TRMT2A: variants seen among roughly 807,000 people sequenced by gnomAD.
TRMT2A encodes tRNA (uracil-5-)-methyltransferase homolog A.
A neutral mutation model predicts 59.3 loss-of-function variants in TRMT2A; 60 were observed. That is an observed-to-expected ratio of 1.01 (90% CI 0.82 to 1.26). The LOEUF is 1.26. TRMT2A is among the 50% of genes most tolerant of loss of function. The pLI, the probability that TRMT2A is intolerant of heterozygous loss-of-function variation, is 0.00. For missense variants in TRMT2A, 863 were observed against 845.2 expected (o/e 1.02, Z -0.26); for synonymous variants, 403 against 353.7 (o/e 1.14, Z -1.56).
chr22:20,115,050 T>C lies in TRMT2A; in HGVS notation c.920A>G (p.Glu307Gly). The change falls in exon 5 of 12, where the codon GAG becomes GGG. Residue 307 changes from glutamate (E) to glycine (G), a missense_variant. Glu to Gly is a moderately conservative substitution (Grantham distance 98). Coordinates refer to ENST00000252136, the MANE Select transcript of TRMT2A (RefSeq NM_022727.6). ...CTGCTTCCAGTGGCCTGTGTACGTC[T>C]CTGGGTCGTATGCCGAGTATGGAGT... ...RSTPYSAYDP[E>G]TYTGHWKQLT... 6.3e-7 allele frequency: 1 copy of C among 1,595,884 alleles called. No individual in the cohort carries two copies. Among genetic ancestry groups the C allele is most frequent in the Non-Finnish European group, 8.5e-7 (1 of 1,175,120 alleles).
Position 20,114,755 on chromosome 22 carries a change from C to T in TRMT2A, c.1121+6G>A. The T allele has an allele frequency of 6.2e-7, 1 of 1,612,262 alleles. No homozygotes were observed. Among genetic ancestry groups the T allele is most frequent in the Non-Finnish European group, 8.5e-7 (1 of 1,179,734 alleles). On this transcript the variant is annotated splice_donor_region_variant and intron_variant, in intron 6 of 11. Coordinates refer to ENST00000252136, the MANE Select transcript of TRMT2A (RefSeq NM_022727.6). ...GGACCTGCCCCGCCCCACTCGGGCTCCTTACCGCTGTCCCTCCTCCACGAA... is the reference window on the plus strand; with the variant it reads ...GGACCTGCCCCGCCCCACTCGGGCTTCTTACCGCTGTCCCTCCTCCACGAA...
At position 20,112,528 on chromosome 22, in the gene TRMT2A, C is replaced by A. The variant is rs779696355; in HGVS notation, c.*35G>T. On this transcript the variant is annotated 3_prime_UTR_variant, in exon 12 of 12. Transcript: ENST00000252136. ...TTCCCCGCCCCTGGGGCCCTGGGAG[C>A]CCTTCAGCTCCTGTCCCCATAATGG... 2 of 1,593,240 alleles carry A rather than the reference C, an allele frequency of 1.3e-6. No individual in the cohort carries two copies. The highest frequency in any genetic ancestry group is 2.7e-5 in the African/African-American group (2 of 74,238).
chr22:20,113,400 T>TGGG, intron 9 of TRMT2A, 32 bp downstream of exon 9: 3 of 1,049,428 alleles, frequency 2.9e-6, no homozygotes, highest in Non-Finnish European at 4.3e-6. Flanking sequence ...GCTGCCCCCA[T>TGGG]CCCCACCCCC....
At chr22:20,113,384 G>T (rs774458629) in intron 9 of TRMT2A, 48 bp downstream of exon 9, 2 of 1,575,728 alleles carry the variant, frequency 1.3e-6, no homozygotes, top group African/African-American at 1.3e-5. Flanking sequence ...TGCAGCAGGG[G>T]TGGCGGCTGC....
At position 20,112,401 on chromosome 22, in the gene TRMT2A, T is replaced by C; in HGVS notation, c.*162A>G. 1 of 940,856 alleles carries C rather than the reference T, an allele frequency of 1.1e-6. No homozygotes were observed. The highest frequency in any genetic ancestry group is 3.4e-4 in the Middle Eastern group (1 of 2,948). The allele number at this position is 940,856 out of a possible 1,614,324, so 58.3% of individuals were successfully genotyped here. ...TACAGGAACCCACCTGTCTTCCTGG[T>C]CAGGGCCCCTGGCCCCTAGCAGCAG... On this transcript the variant is annotated 3_prime_UTR_variant, in exon 12 of 12. Coordinates refer to ENST00000252136, the MANE Select transcript of TRMT2A (RefSeq NM_022727.6).
Position 20,115,432 on chromosome 22 carries a change from T to C in TRMT2A, c.724A>G (p.Lys242Glu). ...PSPQQTEYRN[K>E]CEFLVGVGVD... ...CCGACGCCAACCAGAAACTCACACTTATTACGATACTCAGTCTGCAGGGAG... is the reference window on the plus strand; with the variant it reads ...CCGACGCCAACCAGAAACTCACACTCATTACGATACTCAGTCTGCAGGGAG... Residue 242 changes from lysine (K) to glutamate (E), a missense_variant, in exon 4 of 12, where the codon AAG becomes GAG. By Grantham distance (56) the Lys-to-Glu change is moderately conservative. Coordinates refer to ENST00000252136, the MANE Select transcript of TRMT2A (RefSeq NM_022727.6). The C allele has an allele frequency of 6.2e-7, 1 of 1,609,968 alleles. No homozygotes were observed. Among genetic ancestry groups the C allele is most frequent in the African/African-American group, 1.3e-5 (1 of 74,994 alleles).
rs773217735 is a variant in TRMT2A, at chr22:20,112,767, C to T, written c.1674G>A (p.Val558=). 6.2e-7 allele frequency: 1 copy of T among 1,613,612 alleles called. No homozygotes were observed. The highest frequency in any genetic ancestry group is 8.5e-7 in the Non-Finnish European group (1 of 1,180,004). The change falls in exon 12 of 12, where the codon GTG becomes GTA. Residue 558 remains valine, a synonymous_variant. Coordinates refer to ENST00000252136, the MANE Select transcript of TRMT2A (RefSeq NM_022727.6). The part of the protein sequence containing the change: ...VDLCRAPSNR[V]KGIPFRPVKA... Reference sequence around the variant, plus strand: ...TGACCGGCCGGAAGGGAATGCCCTTCACCCGGTTAGATGGGGCTCTGCAGA... The same window carrying T: ...TGACCGGCCGGAAGGGAATGCCCTTTACCCGGTTAGATGGGGCTCTGCAGA...
At position 20,115,731 on chromosome 22, in the gene TRMT2A, T is replaced by C; in HGVS notation, c.649A>G (p.Arg217Gly). ...RALLPWLLEQ[R>G]HKHNKACCPL... ...CAGCAGGCCTTGTTGTGCTTGTGCC[T>C]CTGCTCGAGCAGCCAGGGCAGCAAG... The change falls in exon 3 of 12, where the codon AGG (arginine) becomes GGG (glycine). Residue 217 changes from arginine (R) to glycine (G), a missense_variant. Transcript: ENST00000252136. The C allele has an allele frequency of 1.2e-6, 2 of 1,612,696 alleles. No individual in the cohort carries two copies. The highest frequency in any genetic ancestry group is 2.2e-5 in the South Asian group (2 of 91,082).
In TRMT2A at chr22:20,115,424, C is replaced by G. The variant is rs1335801080; in HGVS notation, c.732G>C (p.Glu244Asp). The G allele has an allele frequency of 6.2e-7, 1 of 1,611,012 alleles. No homozygotes were observed. Among genetic ancestry groups the G allele is most frequent in the Non-Finnish European group, 8.5e-7 (1 of 1,179,298 alleles). The change falls in exon 4 of 12, where the codon GAG (glutamate) becomes GAC (aspartate). Residue 244 changes from glutamate to aspartate, a missense_variant. Transcript: ENST00000252136. ...PQQTEYRNKC[E>D]FLVGVGVDGE... ...CATCCACCCCGACGCCAACCAGAAA[C>G]TCACACTTATTACGATACTCAGTCT...
chr22:20,113,401 C>CCCCCCCCCCCCCCCCCCCGGG, intron 9 of TRMT2A, 31 bp downstream of exon 9: 2 of 893,472 alleles, frequency 2.2e-6, no homozygotes, highest in Non-Finnish European at 3.6e-6. Context: ...CTGCCCCCAT[C>CCCCCCCCCCCCCCCCCCCGGG]CCCACCCCCA....
intron 11 of TRMT2A, 35 bp from the exon 12 acceptor site, chr22:20,112,829 G>T (rs769666529): frequency 1.2e-6 from 2 of 1,612,592 alleles, no homozygotes; most frequent in South Asian, 1.1e-5. Context: ...AAGGTCAGCC[G>T]ATAGGCTAAT....
chr22:20,113,544 A>C, intron 8 of TRMT2A, 37 bp from the exon 9 acceptor site: 1 of 1,611,826 alleles, frequency 6.2e-7, no homozygotes, highest in South Asian at 1.1e-5. Context: ...CCACCCAGGG[A>C]GGGGAGTACA....
chr22:20,112,857 G>C, intron 11 of TRMT2A, 54 bp downstream of exon 11: 2 of 1,612,662 alleles, frequency 1.2e-6, no homozygotes, highest in East Asian at 2.2e-5. Context: ...TCCTGTGGGA[G>C]CTGGGGGCTT....
rs1199555663 is a variant in TRMT2A, at chr22:20,112,923, C to T, written c.1634G>A (p.Gly545Asp). The T allele has an allele frequency of 1.9e-6, 3 of 1,613,692 alleles. No individual in the cohort carries two copies. The highest frequency in any genetic ancestry group is 2.2e-5 in the East Asian group (1 of 44,892). The change falls in exon 11 of 12, where the codon GGC becomes GAC. Residue 545 changes from glycine to aspartate, a missense_variant. Physicochemically the swap from Gly to Asp is moderately conservative, Grantham distance 94. Transcript: ENST00000252136. ...YVSCNPRAAM[G>D]NFVDLCRAPS... is the part of the protein sequence containing the mutation. ...TGCAGACACTCACTCCACAAAGTTG[C>T]CCATGGCTGCCCGGGGGTTGCATGA...
chr22:20,116,270 C>G lies in TRMT2A; in HGVS notation c.367G>C (p.Asp123His). The part of the protein sequence containing the change: ...FVTFRSAAER[D>H]KALRVLHGAL... ...CCATGCAAAACGCGCAGGGCCTTGT[C>G]CCTCTCTGCAGCGCTGCGGAATGTC... Residue 123 changes from aspartate to histidine, a missense_variant, in exon 2 of 12, where the codon GAC becomes CAC. Asp to His is a moderately conservative substitution (Grantham distance 81). Coordinates refer to ENST00000252136, the MANE Select transcript of TRMT2A (RefSeq NM_022727.6). 6.2e-7 allele frequency: 1 copy of G among 1,612,990 alleles called. No homozygotes were observed.
intron 11 of TRMT2A, 57 bp downstream of exon 11, chr22:20,112,854 G>A (rs1440958279): frequency 3.1e-6 from 5 of 1,612,562 alleles, no homozygotes; most frequent in Non-Finnish European, 4.2e-6. Flanking sequence ...GGCTCCTGTG[G>A]GAGCTGGGGG....
intron 1 of TRMT2A, 135 bp downstream of exon 1, chr22:20,116,748 C>G (rs775044658): frequency 4.8e-4 from 674 of 1,405,058 alleles, no homozygotes; most frequent in Non-Finnish European, 6.2e-4. Context: ...GTCTACCCTC[C>G]CGACCCCATT....
rs142496772 is a variant in TRMT2A at position 20,113,182 on chromosome 22, G to A, written c.1485C>T (p.Thr495=). 971 of 1,594,550 alleles carry A rather than the reference G, an allele frequency of 6.1e-4. No individual in the cohort carries two copies. Among genetic ancestry groups the A allele is most frequent in the Non-Finnish European group, 8.0e-4 (935 of 1,169,598 alleles). The change falls in exon 10 of 12, where the codon ACC becomes ACT. Residue 495 remains threonine, a synonymous_variant. Transcript: ENST00000252136. ...GCTGGGAGGCCAGTCTGCTCACCAGGGTGGGCACCAGGTCCTCGGCCCTCC... is the reference window on the plus strand; with the variant it reads ...GCTGGGAGGCCAGTCTGCTCACCAGAGTGGGCACCAGGTCCTCGGCCCTCC... ...HCGRAEDLVP[T]LVSRLASQHL...
chr22:20,117,038 G>T lies in TRMT2A; in HGVS notation c.-132C>A, dbSNP rs2050048500. The T allele has an allele frequency of 6.5e-6, 8 of 1,231,056 alleles. No individual in the cohort carries two copies. The highest frequency in any genetic ancestry group is 6.8e-6 in the Non-Finnish European group (6 of 882,006). 76.3% of individuals were successfully genotyped at this position (1,231,056 alleles called of 1,614,324 possible). On this transcript the variant is annotated 5_prime_UTR_variant, in exon 1 of 12. Coordinates refer to ENST00000252136, the MANE Select transcript of TRMT2A (RefSeq NM_022727.6). ...GAGGGGAGGTGCTCACAGAGCCGGTGCAACGCCGCGAGGTCGCCGCCACCC... is the reference window on the plus strand; with the variant it reads ...GAGGGGAGGTGCTCACAGAGCCGGTTCAACGCCGCGAGGTCGCCGCCACCC...
Sources: gnomAD v4.1 joint callset for allele counts on GRCh38, gnomAD v4.1.1 for gene constraint, MANE v1.5 for transcripts, NCBI Gene and HGNC (gene_info 2026-07-23, HGNC 2026-07-21) for gene names.